Variants in C12orf57 observed in about 807,000 individuals in gnomAD.
C12orf57 encodes the protein chromosome 12 open reading frame 57.
In C12orf57, 14 loss-of-function variants were observed where a neutral mutation model predicts 11.3. The observed-to-expected ratio is 1.24, with a 90% CI of 0.82 to 1.94. The LOEUF (loss-of-function observed/expected upper bound fraction) is 1.94. Ranked by LOEUF, C12orf57 falls within the 30% of genes most tolerant of loss-of-function variation. C12orf57 has a pLI of 0.00. For missense variants in C12orf57, 229 were observed against 172.4 expected, an observed-to-expected ratio of 1.33 and a Z score of -1.84; for synonymous variants, 100 against 74.6, an observed-to-expected ratio of 1.34 and a Z score of -1.76.
upstream of C12orf57, chr12:6,943,751 T>A: frequency 8.6e-7 from 1 of 1,164,612 alleles, no homozygotes; most frequent in South Asian, 1.5e-5. Context: ...AAAAGTCACC[T>A]AAGCTCACCC....
upstream of C12orf57, chr12:6,943,949 G>A (rs782166951): frequency 1.5e-4 from 216 of 1,474,678 alleles, no homozygotes; most frequent in Admixed American, 2.6e-4. Flanking sequence ...TGGTGGTCTT[G>A]ATGCAGTTGT....
Position 6,944,063 on chromosome 12 carries a change from G to C in C12orf57, c.-59G>C. Reference sequence around the variant, plus strand: ...GGCGTTGGGAACGGTTGTAGGACGTGGCTCTTTATTCGTGAGTTTTCCATT... The same window carrying C: ...GGCGTTGGGAACGGTTGTAGGACGTCGCTCTTTATTCGTGAGTTTTCCATT... On this transcript the variant is annotated 5_prime_UTR_variant, in exon 1 of 3. Coordinates refer to ENST00000229281, the MANE Select transcript of C12orf57 (RefSeq NM_138425.4). 6.2e-7 allele frequency: 1 copy of C among 1,613,438 alleles called. No homozygotes were observed. The highest frequency in any genetic ancestry group is 8.5e-7 in the Non-Finnish European group (1 of 1,179,986).
upstream of C12orf57, chr12:6,943,943 G>C (rs191717299): frequency 7.6e-5 from 109 of 1,433,032 alleles, 1 homozygote; most frequent in Admixed American, 2.5e-3. Context: ...TAGTTTTGGT[G>C]GTCTTGATGC....
At chr12:6,943,819 T>C (rs781784492), upstream of C12orf57, 5 of 848,868 alleles carry the variant, frequency 5.9e-6, no homozygotes, top group Non-Finnish European at 8.3e-6. Context: ...TACGCAGCAG[T>C]GTTACAGCTC....
upstream of C12orf57, chr12:6,944,017 T>C (rs1311143075): frequency 8.7e-6 from 14 of 1,605,510 alleles, no homozygotes; most frequent in South Asian, 1.1e-4. Flanking sequence ...CGCCGGATGC[T>C]GTTTCCTTTC....
rs1945750224 is a variant in C12orf57 at position 6,944,665 on chromosome 12, C to G, written c.229+13C>G. 2 of 1,562,268 alleles carry G rather than the reference C, an allele frequency of 1.3e-6. No individual in the cohort carries two copies. Among genetic ancestry groups the G allele is most frequent in the Non-Finnish European group, 1.7e-6 (2 of 1,166,934 alleles). On this transcript the variant is annotated intron_variant, in intron 2 of 2. Coordinates refer to ENST00000229281, the MANE Select transcript of C12orf57 (RefSeq NM_138425.4). ...TGCGACGGGGAAGGTGGGTCAGACG[C>G]GGGAAGGCGGGTCAGACGCGGGAAG...
intron 2 of C12orf57, 140 bp from the exon 3 acceptor site, chr12:6,945,631 A>G: frequency 1.2e-6 from 1 of 838,110 alleles, no homozygotes; most frequent in Non-Finnish European, 2.0e-6. Flanking sequence ...CACACGGGAC[A>G]GAGGCCTGCA....
chr12:6,943,874 C>CTCCTCTTATGAT (rs1555145533), upstream of C12orf57: 5 of 967,290 alleles, frequency 5.2e-6, no homozygotes, highest in Non-Finnish European at 7.3e-6. Flanking sequence ...TACCGGAAAG[C>CTCCTCTTATGAT]CCCTCTTATG....
Position 6,945,913 on chromosome 12 carries a change from C to T in C12orf57, c.372C>T (p.Ala124=), listed in dbSNP as rs1555146557. ...GGCCTGCTGCTGGTGGCAGCGTGGC[C>T]GCCTCCTGAGAGTTGGCCCTCCCTT... ...PHGPAAGGSV[A]AS The change falls in exon 3 of 3, where the codon GCC becomes GCT. Residue 124 remains alanine (A), a synonymous_variant. Coordinates refer to ENST00000229281, the MANE Select transcript of C12orf57 (RefSeq NM_138425.4). 6.2e-7 allele frequency: 1 copy of T among 1,611,310 alleles called. No individual in the cohort carries two copies. Among genetic ancestry groups the T allele is most frequent in the Non-Finnish European group, 8.5e-7 (1 of 1,179,598 alleles).
chr12:6,943,999 T>C, upstream of C12orf57: 4 of 1,591,008 alleles, frequency 2.5e-6, no homozygotes, highest in Middle Eastern at 1.8e-4. Flanking sequence ...CCTGGGCGCT[T>C]CCGGCTGCGC....
upstream of C12orf57, chr12:6,943,822 T>G (rs782352036): frequency 9.3e-6 from 8 of 859,846 alleles, no homozygotes; most frequent in African/African-American, 3.5e-5. Context: ...GCAGCAGTGT[T>G]ACAGCTCTTT....
At chr12:6,943,814 A>G (rs782566792), upstream of C12orf57, 116 of 860,830 alleles carry the variant, frequency 1.3e-4, no homozygotes, top group South Asian at 5.9e-4. Context: ...ACACATACGC[A>G]GCAGTGTTAC....
upstream of C12orf57, chr12:6,943,553 TAAC>T (rs782040887): frequency 3.2e-4 from 410 of 1,289,296 alleles, no homozygotes; most frequent in Non-Finnish European, 3.3e-4. Context: ...TCTCCGGGCT[TAAC>T]AACAACGAAG....
At chr12:6,944,681 A>AC in intron 2 of C12orf57, 29 bp downstream of exon 2, 1 of 1,586,142 alleles carries the variant, frequency 6.3e-7, no homozygotes, top group Non-Finnish European at 8.6e-7. Flanking sequence ...GGCGGGTCAG[A>AC]CGCGGGAAGG....
chr12:6,943,899 T>A (rs1010719965), upstream of C12orf57: 6 of 1,101,030 alleles, frequency 5.4e-6, no homozygotes, highest in Admixed American at 1.2e-4. Flanking sequence ...TTGTTGCCAA[T>A]GATAGATTGT....
chr12:6,945,981 T>C lies in C12orf57; in HGVS notation c.*59T>C. ...GGAAAGGCCTTGATGTTCCAGACAA[T>C]AATAAATGCGCCTGTGACTTAGCCT... On this transcript the variant is annotated 3_prime_UTR_variant, in exon 3 of 3. Coordinates refer to ENST00000229281, the MANE Select transcript of C12orf57 (RefSeq NM_138425.4). The C allele has an allele frequency of 6.4e-7, 1 of 1,554,328 alleles. No individual in the cohort carries two copies. Among genetic ancestry groups the C allele is most frequent in the Non-Finnish European group, 8.7e-7 (1 of 1,151,538 alleles).
rs1396636392 is a variant in C12orf57 at position 6,944,038 on chromosome 12, G to A, written c.-84G>A. ...ATGCTGTTTCCTTTCCGCTCCCAGG[G>A]GCGTTGGGAACGGTTGTAGGACGTG... On this transcript the variant is annotated 5_prime_UTR_variant, in exon 1 of 3. Transcript: ENST00000229281. 52 of 1,610,536 alleles carry A rather than the reference G, an allele frequency of 3.2e-5. No individual in the cohort carries two copies. The highest frequency in any genetic ancestry group is 1.1e-4 in the African/African-American group (8 of 74,900).
rs1945749749 is a variant in C12orf57 at position 6,944,653 on chromosome 12, GTGGGTCAGAC to G, written c.229+2_229+11del. ...TATGGCTTCAGCTGCGACGGGGAAG[GTGGGTCAGAC>G]GCGGGAAGGCGGGTCAGACGCGGGA... On this transcript the variant is annotated splice_donor_variant and splice_donor_5th_base_variant and intron_variant, in intron 2 of 2. Transcript: ENST00000229281. LOFTEE classifies it high-confidence loss of function. The G allele has an allele frequency of 6.2e-7, 1 of 1,610,064 alleles. No homozygotes were observed. Among genetic ancestry groups the G allele is most frequent in the South Asian group, 1.1e-5 (1 of 91,052 alleles).
rs1449296027 is a variant in C12orf57 at position 6,944,176 on chromosome 12, G to A, written c.52+3G>A. ...CTTGAGCGCTGAGCAAGCAAAGGGT[G>A]AGAATCGTCCTAGTCAAGGCATAGG... On this transcript the variant is annotated splice_donor_region_variant and intron_variant, in intron 1 of 2. Coordinates refer to ENST00000229281, the MANE Select transcript of C12orf57 (RefSeq NM_138425.4). The A allele has an allele frequency of 1.9e-6, 3 of 1,614,074 alleles. No homozygotes were observed. The highest frequency in any genetic ancestry group is 2.7e-5 in the African/African-American group (2 of 74,948).
Sources: gnomAD v4.1 joint callset for allele counts on GRCh38, gnomAD v4.1.1 for gene constraint, MANE v1.5 for transcripts, NCBI Gene and HGNC (gene_info 2026-07-23, HGNC 2026-07-21) for gene names.